EPHA7: variants seen among roughly 807,000 people sequenced by gnomAD.
EPHA7 encodes the protein EPH receptor A7.
In EPHA7, 25 loss-of-function variants were observed where a neutral mutation model predicts 112.6. That is an observed-to-expected ratio of 0.22 (90% CI 0.16 to 0.31). EPHA7 has a LOEUF of 0.31. Among genes scored for constraint, EPHA7 ranks in the 10% least tolerant of loss-of-function variants. EPHA7 has a pLI of 1.00. For synonymous variants in EPHA7, 437 were observed against 406.5 expected, an observed-to-expected ratio of 1.07 and a Z score of -0.90; for missense variants, 962 against 1,212.6, an observed-to-expected ratio of 0.79 and a Z score of 3.07.
At chr6:93,259,637 C>T (rs997888184) in intron 9 of EPHA7, among the ~76,000 whole-genome samples, 158 bp from the exon 10 acceptor site, 4 of 151,876 alleles carry the variant, frequency 2.6e-5, no homozygotes, top group Non-Finnish European at 5.9e-5. Context: ...AGTCTGCTGG[C>T]GTATAGGTAT....
intron 5 of EPHA7, among the ~76,000 whole-genome samples, chr6:93,333,849 A>T (rs1458385877): frequency 6.6e-6 from 1 of 151,958 alleles, no homozygotes; most frequent in African/African-American, 2.4e-5. Context: ...AAAAATCAAT[A>T]TTGTTAAAAT....
chr6:93,368,990 C>T (rs763734371), intron 3 of EPHA7, among the ~76,000 whole-genome samples: 12 of 151,858 alleles, frequency 7.9e-5, no homozygotes, highest in Admixed American at 3.9e-4. Context: ...AATCAGTTTA[C>T]CCTGAAGCAT....
intron 3 of EPHA7, among the ~76,000 whole-genome samples, chr6:93,397,516 A>G (rs1341697197): frequency 6.6e-6 from 1 of 151,920 alleles, no homozygotes; most frequent in East Asian, 1.9e-4. Flanking sequence ...GTTTTTTAAG[A>G]ATAAAGAAAA....
chr6:93,398,207 A>G (rs1778272819), intron 3 of EPHA7, among the ~76,000 whole-genome samples: 1 of 151,982 alleles, frequency 6.6e-6, no homozygotes, highest in South Asian at 2.1e-4. Context: ...TCAAATTGAA[A>G]CACACCATAA....
Position 93,242,214 on chromosome 6 carries a change from T to C in EPHA7, c.*1212A>G, listed in dbSNP as rs1180312795. On this transcript the variant is annotated 3_prime_UTR_variant, in exon 17 of 17. Transcript: ENST00000369303. ...CCTTCTAGGGTAAAGAGTCCTTTCA[T>C]TTAACAAGTTTCTTGCATCAGTGTT... 1 of 196,394 alleles carries C rather than the reference T, an allele frequency of 5.1e-6. No individual in the cohort carries two copies. The highest frequency in any genetic ancestry group is 1.1e-5 in the Non-Finnish European group (1 of 94,350). The allele number at this position is 196,394 out of a possible 1,614,324, so 12.2% of individuals were successfully genotyped here.
chr6:93,273,497 T>G (rs1771329928), intron 5 of EPHA7, among the ~76,000 whole-genome samples: 1 of 151,988 alleles, frequency 6.6e-6, no homozygotes, highest in Admixed American at 6.6e-5. Context: ...TTTCTTCTAC[T>G]TAATATTTTC....
intron 9 of EPHA7, chr6:93,260,492 T>G: frequency 1.1e-6 from 1 of 938,016 alleles, no homozygotes; most frequent in Non-Finnish European, 1.3e-6. Context: ...AAAAAAACTT[T>G]ATTGTTTTAA....
intron 5 of EPHA7, among the ~76,000 whole-genome samples, chr6:93,323,852 A>G (rs1383276166): frequency 6.6e-6 from 1 of 151,410 alleles, no homozygotes; most frequent in African/African-American, 2.4e-5. Context: ...ACATTTTCAC[A>G]CCAAATCTGT....
At chr6:93,379,735 C>T (rs754471564) in intron 3 of EPHA7, among the ~76,000 whole-genome samples, 25 of 151,854 alleles carry the variant, frequency 1.6e-4, no homozygotes, top group Middle Eastern at 6.8e-3. Flanking sequence ...GAAATAAAAG[C>T]GTTCTTGAAA....
At chr6:93,364,217 A>G (rs1776392843) in intron 3 of EPHA7, among the ~76,000 whole-genome samples, 1 of 152,092 alleles carries the variant, frequency 6.6e-6, no homozygotes, top group South Asian at 2.1e-4. Context: ...TATCTTAATA[A>G]AGCTCTCATT....
chr6:93,263,882 G>T lies in EPHA7; in HGVS notation c.1776C>A (p.Gly592=). 1 of 1,609,142 alleles carries T rather than the reference G, an allele frequency of 6.2e-7. No individual in the cohort carries two copies. Among genetic ancestry groups the T allele is most frequent in the Non-Finnish European group, 8.5e-7 (1 of 1,176,904 alleles). Residue 592 remains glycine (G), a synonymous_variant, in exon 9 of 17, where the codon GGC becomes GGA. Coordinates refer to ENST00000369303, the MANE Select transcript of EPHA7 (RefSeq NM_004440.4). The part of the protein sequence containing the change: ...HCGYSKADQE[G]DEELYFHFKF... Reference sequence around the variant, plus strand: ...TACAATGAAAGTAAAGCTCTTCATCGCCTTCTTGGTCAGCTTTGCTATAAC... The same window carrying T: ...TACAATGAAAGTAAAGCTCTTCATCTCCTTCTTGGTCAGCTTTGCTATAAC...
chr6:93,273,408 C>A (rs1771323789), intron 5 of EPHA7, among the ~76,000 whole-genome samples: 1 of 151,892 alleles, frequency 6.6e-6, no homozygotes, highest in Admixed American at 6.6e-5. Flanking sequence ...TGTTAATAAT[C>A]CTGCTGACAG....
chr6:93,349,554 TG>T (rs1775583652), intron 5 of EPHA7, among the ~76,000 whole-genome samples: 1 of 151,920 alleles, frequency 6.6e-6, no homozygotes, highest in Non-Finnish European at 1.5e-5. Flanking sequence ...CTCTACAAAA[TG>T]GTTCCTGTTT....
intron 3 of EPHA7, among the ~76,000 whole-genome samples, chr6:93,367,994 T>C (rs1776599614): frequency 6.6e-6 from 1 of 152,130 alleles, no homozygotes; most frequent in African/African-American, 2.4e-5. Flanking sequence ...AGCCCAGTAT[T>C]CATTCCTCGA....
At chr6:93,367,134 G>C (rs1208864667) in intron 3 of EPHA7, among the ~76,000 whole-genome samples, 2 of 152,058 alleles carry the variant, frequency 1.3e-5, no homozygotes, top group Non-Finnish European at 2.9e-5. Flanking sequence ...GAACTTAAAA[G>C]TCTGGCTTAT....
Position 93,243,165 on chromosome 6 carries a change from G to T in EPHA7, c.*261C>A. Reference sequence around the variant, plus strand: ...ACAAAAAGGAGGTTAGAGAGCTCAAGGTGTTTGGATGTTTTTCAGGTAGTA... The same window carrying T: ...ACAAAAAGGAGGTTAGAGAGCTCAATGTGTTTGGATGTTTTTCAGGTAGTA... On this transcript the variant is annotated 3_prime_UTR_variant, in exon 17 of 17. Transcript: ENST00000369303. 3.0e-6 allele frequency: 1 copy of T among 329,536 alleles called. No homozygotes were observed. 20.4% of individuals were successfully genotyped at this position (329,536 alleles called of 1,614,324 possible).
At chr6:93,263,033 C>A (rs904131641) in intron 9 of EPHA7, among the ~76,000 whole-genome samples, 2 of 150,992 alleles carry the variant, frequency 1.3e-5, no homozygotes, top group Admixed American at 6.6e-5. Flanking sequence ...AGAACATTTG[C>A]CAAAGATTAT....
At chr6:93,344,575 C>T (rs1173115466) in intron 5 of EPHA7, among the ~76,000 whole-genome samples, 3 of 151,630 alleles carry the variant, frequency 2.0e-5, no homozygotes, top group Non-Finnish European at 4.4e-5. Flanking sequence ...GAATACTCTA[C>T]TACGTATGCC....
Position 93,272,391 on chromosome 6 carries a change from C to G in EPHA7, c.1356G>C (p.Glu452Asp), listed in dbSNP as rs201935163. The change falls in exon 6 of 17, where the codon GAG (glutamate) becomes GAC (aspartate). Residue 452 changes from glutamate (E) to aspartate (D), a missense_variant. Physicochemically the swap from Glu to Asp is conservative, Grantham distance 45. Coordinates refer to ENST00000369303, the MANE Select transcript of EPHA7 (RefSeq NM_004440.4). Reference sequence around the variant, plus strand: ...GCTCGACACTCCGCTGCAGTACTCTCTCCTTCATTACTCCACTCACTTGCG... The same window carrying G: ...GCTCGACACTCCGCTGCAGTACTCTGTCCTTCATTACTCCACTCACTTGCG... ...APSQVSGVMK[E>D]RVLQRSVELS... 5.6e-6 allele frequency: 9 copies of G among 1,612,020 alleles called. No homozygotes were observed. Among genetic ancestry groups the G allele is most frequent in the Admixed American group, 3.3e-5 (2 of 59,870 alleles).
Sources: allele counts gnomAD v4.1 joint callset (sites outside exome capture counted in the v4.1 genomes callset), GRCh38; gene constraint gnomAD v4.1.1; transcripts MANE v1.5; gene names NCBI Gene and HGNC (gene_info 2026-07-23, HGNC 2026-07-21).